Variants in TRAK1 observed in about 807,000 individuals in gnomAD.
TRAK1 encodes the protein trafficking kinesin protein 1.
Under a neutral mutation model 92.1 loss-of-function variants are expected in TRAK1, and 33 were observed. That is an observed-to-expected ratio of 0.36 (90% CI 0.27 to 0.48). The LOEUF (loss-of-function observed/expected upper bound fraction) is 0.48, where lower values mean the gene tolerates loss of function less well. Among genes scored for constraint, TRAK1 ranks in the 20% least tolerant of loss-of-function variants. The pLI is 0.99. For synonymous variants in TRAK1, 521 were observed against 517.3 expected, an observed-to-expected ratio of 1.01 and a Z score of -0.10; for missense variants, 1,123 against 1,257.9, an observed-to-expected ratio of 0.89 and a Z score of 1.62.
intron 1 of TRAK1, among the ~76,000 whole-genome samples, chr3:42,075,303 T>C (rs1459658676): frequency 7.5e-6 from 1 of 132,814 alleles, no homozygotes; most frequent in Non-Finnish European, 1.5e-5. Flanking sequence ...ATAGCGCCAT[T>C]GCACTTCAGC....
intron 1 of TRAK1, among the ~76,000 whole-genome samples, chr3:42,018,228 A>G (rs936446105): frequency 1.8e-4 from 27 of 151,484 alleles, no homozygotes; most frequent in Non-Finnish European, 3.8e-4. Flanking sequence ...TTATTGCACC[A>G]TTGTACTCTA....
At chr3:42,024,127 G>A (rs905469837) in intron 1 of TRAK1, among the ~76,000 whole-genome samples, 1 of 152,114 alleles carries the variant, frequency 6.6e-6, no homozygotes, top group Non-Finnish European at 1.5e-5. Context: ...AGAGGGATAG[G>A]AGTTTGAGGC....
At chr3:42,066,628 A>G (rs912118742) in intron 1 of TRAK1, among the ~76,000 whole-genome samples, 1 of 152,052 alleles carries the variant, frequency 6.6e-6, no homozygotes, top group African/African-American at 2.4e-5. Context: ...CCTGCCTACC[A>G]TGCATGCAGT....
chr3:42,037,279 A>G (rs1702360305), intron 1 of TRAK1, among the ~76,000 whole-genome samples: 1 of 152,240 alleles, frequency 6.6e-6, no homozygotes, highest in South Asian at 2.1e-4. Context: ...TTATTGGACA[A>G]ATATACACGG....
intron 2 of TRAK1, among the ~76,000 whole-genome samples, chr3:42,147,505 C>T (rs2149246757): frequency 6.6e-6 from 1 of 152,308 alleles, no homozygotes; most frequent in East Asian, 1.9e-4. Flanking sequence ...CAATTTTAGC[C>T]AAAATTCATC....
chr3:42,188,739 A>G (rs1048036304), intron 5 of TRAK1, among the ~76,000 whole-genome samples: 9 of 152,250 alleles, frequency 5.9e-5, no homozygotes, highest in African/African-American at 2.2e-4. Context: ...TGTGAGTATT[A>G]AATAAACTCC....
At chr3:42,079,979 C>G (rs1354273401) in intron 1 of TRAK1, among the ~76,000 whole-genome samples, 1 of 152,010 alleles carries the variant, frequency 6.6e-6, no homozygotes, top group Non-Finnish European at 1.5e-5. Context: ...TTCCACCTGC[C>G]CTCTTTTGTA....
rs191052576 is a variant in TRAK1, at chr3:42,213,276, C to T, written c.1963+3291C>T. ...TTCACCCTGTTAACCAGGCTGGTCTCGAATTCCTGGCTTCAAGTGATCTGA... is the reference window on the plus strand; with the variant it reads ...TTCACCCTGTTAACCAGGCTGGTCTTGAATTCCTGGCTTCAAGTGATCTGA... On this transcript the variant is annotated intron_variant, in intron 14 of 15. Transcript: ENST00000327628. Among the ~76,000 whole-genome samples the T allele has an allele frequency of 2.6e-5, 4 of 152,206 alleles. No individual in the cohort carries two copies. The East Asian group carries it at 5.8e-4, about 22-fold the overall frequency.
At chr3:42,060,937 G>T (rs1183435121) in intron 1 of TRAK1, among the ~76,000 whole-genome samples, 7 of 151,822 alleles carry the variant, frequency 4.6e-5, no homozygotes, top group Non-Finnish European at 8.8e-5. Flanking sequence ...GGCCTTTTTT[G>T]TTGTTGTTGT....
chr3:42,126,332 GT>G (rs1710555817), intron 2 of TRAK1, among the ~76,000 whole-genome samples: 1 of 152,100 alleles, frequency 6.6e-6, no homozygotes, highest in African/African-American at 2.4e-5. Flanking sequence ...GCTGATAACT[GT>G]TGTGTGAAAG....
intron 1 of TRAK1, among the ~76,000 whole-genome samples, chr3:42,124,042 G>T (rs9810677): frequency 6.6e-6 from 1 of 151,988 alleles, no homozygotes; most frequent in African/African-American, 2.4e-5. Flanking sequence ...GGAGGCCAAG[G>T]TGGGAGGAAT....
Position 42,199,223 on chromosome 3 carries a change from A to G in TRAK1, c.1160A>G (p.Gln387Arg). 3.1e-6 allele frequency: 5 copies of G among 1,613,930 alleles called. No individual in the cohort carries two copies. The highest frequency in any genetic ancestry group is 4.2e-6 in the Non-Finnish European group (5 of 1,180,028). ...EIEGTMRKEL[Q>R]LEEAESPDIT... ...GAGGGAACGATGCGCAAGGAGCTGC[A>G]GTTGGAAGAGGCCGAGTCTCCAGAC... The change falls in exon 11 of 16, where the codon CAG becomes CGG. Residue 387 changes from glutamine (Q) to arginine (R), a missense_variant. Gln to Arg is a conservative substitution (Grantham distance 43, BLOSUM62 1). Around this residue, in one of 3 missense-constraint regions of TRAK1, gnomAD observed 686 missense variants for 747.6 expected, o/e 0.92. Transcript: ENST00000327628.
chr3:42,116,448 G>A (rs1709176600), intron 1 of TRAK1, among the ~76,000 whole-genome samples: 1 of 152,234 alleles, frequency 6.6e-6, no homozygotes, highest in Non-Finnish European at 1.5e-5. Flanking sequence ...TTTTCTAGAA[G>A]GTTGTCTGTC....
At chr3:42,039,993 C>A (rs1268537713) in intron 1 of TRAK1, among the ~76,000 whole-genome samples, 2 of 151,774 alleles carry the variant, frequency 1.3e-5, no homozygotes, top group African/African-American at 4.8e-5. Context: ...TTTTCATGTG[C>A]TTATTGGCCA....
intron 2 of TRAK1, among the ~76,000 whole-genome samples, chr3:42,166,110 T>C (rs1045045134): frequency 2.6e-5 from 4 of 152,170 alleles, no homozygotes; most frequent in Admixed American, 1.3e-4. Flanking sequence ...CCCTACCTTC[T>C]CAACTAGGTC....
Position 42,200,898 on chromosome 3 carries a change from A to G in TRAK1, c.1271A>G (p.Asn424Ser), listed in dbSNP as rs1275239465. Residue 424 changes from asparagine (N) to serine (S), a missense_variant, in exon 12 of 16, where the codon AAC becomes AGC. Asn to Ser is a conservative substitution (Grantham distance 46, BLOSUM62 1). Coordinates refer to ENST00000327628, the MANE Select transcript of TRAK1 (RefSeq NM_001042646.3). ...KQRSLTPSPM[N>S]IPGSNQSSAM... ...AGATCTCTGACCCCTTCTCCCATGA[A>G]CATCCCCGGCTCCAACCAGTCCTCG... The G allele has an allele frequency of 6.2e-7, 1 of 1,614,120 alleles. No homozygotes were observed. The highest frequency in any genetic ancestry group is 8.5e-7 in the Non-Finnish European group (1 of 1,180,010).
Position 42,191,614 on chromosome 3 carries a change from C to T in TRAK1, c.747C>T (p.Val249=), listed in dbSNP as rs773273061. ...ATGAGGAGAAGGAGCAGCAGCTGGTCAATGACTGCGTGAAGGAGCTGAGTA... is the reference window on the plus strand; with the variant it reads ...ATGAGGAGAAGGAGCAGCAGCTGGTTAATGACTGCGTGAAGGAGCTGAGTA... The part of the protein sequence containing the change: ...ITYEEKEQQL[V]NDCVKELRDA... Residue 249 remains valine (V), a synonymous_variant, in exon 7 of 16, where the codon GTC becomes GTT. Transcript: ENST00000327628. 3.1e-6 allele frequency: 5 copies of T among 1,603,692 alleles called. No individual in the cohort carries two copies. The highest frequency in any genetic ancestry group is 1.3e-5 in the African/African-American group (1 of 74,982).
intron 1 of TRAK1, among the ~76,000 whole-genome samples, chr3:42,050,676 G>C (rs1394489289): frequency 6.6e-6 from 1 of 150,740 alleles, no homozygotes; most frequent in Non-Finnish European, 1.5e-5. Flanking sequence ...TATTTTTTTT[G>C]AGATGGAGTC....
intron 10 of TRAK1, among the ~76,000 whole-genome samples, chr3:42,198,389 T>G (rs1559371122): frequency 6.6e-6 from 1 of 152,190 alleles, no homozygotes; most frequent in Non-Finnish European, 1.5e-5. Context: ...GGCAAAGACT[T>G]ACTGTGTTTG....
Sources: allele counts gnomAD v4.1 joint callset (sites outside exome capture counted in the v4.1 genomes callset), GRCh38; gene constraint gnomAD v4.1.1; regional missense constraint gnomAD v4.1.1; transcripts MANE v1.5; gene names NCBI Gene and HGNC (gene_info 2026-07-23, HGNC 2026-07-21).